The following NUP210 variants were observed in gnomAD, a reference collection of about 807,000 sequenced individuals.
NUP210 encodes the protein nuclear pore membrane glycoprotein 210.
NUP210 carries 151 observed loss-of-function variants against 196.0 expected under a neutral mutation model. That is an observed-to-expected ratio of 0.77 (90% CI 0.67 to 0.88). The LOEUF (loss-of-function observed/expected upper bound fraction) is 0.88. Among genes scored for constraint, NUP210 ranks in the 40% least tolerant of loss-of-function variants. The probability of loss-of-function intolerance (pLI) is 0.00; values close to 1 mark genes in which losing one functional copy is unlikely to be tolerated. For missense variants in NUP210, 2,314 were observed against 2,493.7 expected (o/e 0.93, Z 1.53); for synonymous variants, 1,070 against 1,052.7 (o/e 1.02, Z -0.32).
intron 29 of NUP210, among the ~76,000 whole-genome samples, chr3:13,331,426 C>A (rs1175107865): frequency 6.6e-6 from 1 of 152,150 alleles, no homozygotes; most frequent in East Asian, 1.9e-4. Flanking sequence ...ATTCTTCCCC[C>A]ACCAACCCCT....
intron 32 of NUP210, among the ~76,000 whole-genome samples, chr3:13,326,854 G>A (rs1271711451): frequency 6.6e-6 from 1 of 152,266 alleles, no homozygotes; most frequent in Non-Finnish European, 1.5e-5. Context: ...CACCGACTTG[G>A]CAGAGCTGTT....
Position 13,343,240 on chromosome 3 carries a change from C to T in NUP210, c.2899G>A (p.Ala967Thr). ...ACGTAAACGACAGCCTTGGCTGGGGCCGGGAAGACGAGGCACAAGTCATGG... is the reference window on the plus strand; with the variant it reads ...ACGTAAACGACAGCCTTGGCTGGGGTCGGGAAGACGAGGCACAAGTCATGG... ...MIHDLCLVFP[A>T]PAKAVVYVSD... The change falls in exon 21 of 40, where the codon GCC becomes ACC. Residue 967 changes from alanine (A) to threonine (T), a missense_variant. Coordinates refer to ENST00000254508, the MANE Select transcript of NUP210 (RefSeq NM_024923.4). The T allele has an allele frequency of 6.2e-7, 1 of 1,612,130 alleles. No homozygotes were observed. The highest frequency in any genetic ancestry group is 8.5e-7 in the Non-Finnish European group (1 of 1,178,946).
rs766568855 is a variant in NUP210 at position 13,373,839 on chromosome 3, G to A, written c.1466C>T (p.Ser489Leu). 1.4e-5 allele frequency: 23 copies of A among 1,613,726 alleles called. No individual in the cohort carries two copies. The highest frequency in any genetic ancestry group is 1.6e-4 in the Middle Eastern group (1 of 6,082). ...HGGSGNFSWS[S>L]SSHLVATVTV... ...AACTGTGGCAACCAGGTGGCTTGAC[G>A]AAGACCAGCTGAAGTTCCCACTGCC... Residue 489 changes from serine to leucine, a missense_variant, in exon 12 of 40, where the codon TCG becomes TTG. By Grantham distance (145) the Ser-to-Leu change is moderately radical. Transcript: ENST00000254508.
At chr3:13,354,496 G>A (rs573864962) in intron 16 of NUP210, 8 of 183,480 alleles carry the variant, frequency 4.4e-5, no homozygotes, top group African/African-American at 1.2e-4. Context: ...GGTCCCAAAC[G>A]TCAACAGTGC....
At position 13,386,357 on chromosome 3, in the gene NUP210, C is replaced by A. The variant is rs1699274493; in HGVS notation, c.735G>T (p.Leu245=). The A allele has an allele frequency of 6.2e-7, 1 of 1,614,132 alleles. No individual in the cohort carries two copies. The highest frequency in any genetic ancestry group is 8.5e-7 in the Non-Finnish European group (1 of 1,180,034). Residue 245 remains leucine, a synonymous_variant, in exon 6 of 40, where the codon CTG becomes CTT. Coordinates refer to ENST00000254508, the MANE Select transcript of NUP210 (RefSeq NM_024923.4). ...TCAGGTAGACGTCATAGGCCGGGTT[C>A]AGAAGGATGTTTTCCAAAATCAGCA... ...VRLLILENIL[L]NPAYDVYLMV... is the part of the protein sequence containing the mutation.
Position 13,328,960 on chromosome 3 carries a change from T to C in NUP210, c.4111-14A>G. ...AACAGGGGATACCTAAGGGACAACA[T>C]ACAGGTATGATGAGGATTCAGTGCC... is the stretch of plus-strand genomic sequence containing the variant. On this transcript the variant is annotated splice_polypyrimidine_tract_variant and intron_variant, in intron 30 of 39. Transcript: ENST00000254508. 6.2e-7 allele frequency: 1 copy of C among 1,611,950 alleles called. No individual in the cohort carries two copies. Among genetic ancestry groups the C allele is most frequent in the Non-Finnish European group, 8.5e-7 (1 of 1,178,790 alleles).
chr3:13,358,026 C>T (rs934072437), intron 16 of NUP210, among the ~76,000 whole-genome samples, 196 bp downstream of exon 16: 1 of 152,230 alleles, frequency 6.6e-6, no homozygotes. Flanking sequence ...TGTCTCTCAC[C>T]TCTCCAAGCT....
rs114966764 is a variant in NUP210 at position 13,363,567 on chromosome 3, T to C, written c.1932+2379A>G. Among the ~76,000 whole-genome samples the C allele has an allele frequency of 1.7e-3, 254 of 152,370 alleles. 1 individual carries two copies. The highest frequency in any genetic ancestry group is 5.8e-3 in the African/African-American group (240 of 41,586). ...CAACGCAGCTGATGAAGGATGCTCA[T>C]GAATTGTGCAGGCTCCTCAGCGGAT... On this transcript the variant is annotated intron_variant, in intron 14 of 39. Transcript: ENST00000254508.
At position 13,402,627 on chromosome 3, in the gene NUP210, G is replaced by A. The variant is rs546469311; in HGVS notation, c.168-2766C>T. Among the ~76,000 whole-genome samples, 342 of 152,114 alleles carry A rather than the reference G, an allele frequency of 2.2e-3. 1 individual carries two copies. The highest frequency in any genetic ancestry group is 6.8e-3 in the Middle Eastern group (2 of 294). On this transcript the variant is annotated intron_variant, in intron 1 of 39. Transcript: ENST00000254508. ...CACACCTTTCATGTCCATGTAGCAG[G>A]GCTACATTAAGGACTCATACAAGCC... is the stretch of plus-strand genomic sequence containing the variant.
In NUP210 at chr3:13,347,529, C is replaced by T. The variant is rs983666633; in HGVS notation, c.2836-4226G>A. Among the ~76,000 whole-genome samples, 1 of 152,158 alleles carries T rather than the reference C, an allele frequency of 6.6e-6. No individual in the cohort carries two copies. Among genetic ancestry groups the T allele is most frequent in the African/African-American group, 2.4e-5 (1 of 41,432 alleles). The stretch of plus-strand genomic sequence containing the variant: ...CATCACGGCCCTGCACAGTCCATGT[C>T]CACTGTGTGGGGATAAAAACCCCCA... On this transcript the variant is annotated intron_variant, in intron 20 of 39. Transcript: ENST00000254508. This position sits in a 1 kb window ranked among gnomAD's most constrained non-coding sequence, Gnocchi z 4.7.
intron 4 of NUP210, among the ~76,000 whole-genome samples, chr3:13,389,099 C>T (rs1386505625): frequency 1.3e-5 from 2 of 152,248 alleles, no homozygotes; most frequent in African/African-American, 2.4e-5. Context: ...AACGAGCCCA[C>T]TGTTCCCCTG....
At chr3:13,333,148 C>A (rs28664220) in intron 28 of NUP210, among the ~76,000 whole-genome samples, 26,903 of 152,234 alleles carry the variant, frequency 0.18, 2,452 homozygotes, top group East Asian at 0.3. Flanking sequence ...GAGGTCGGCT[C>A]AGATCTGATC....
At position 13,378,916 on chromosome 3, in the gene NUP210, G is replaced by A; in HGVS notation, c.1041C>T (p.Tyr347=). The change falls in exon 8 of 40, where the codon TAC becomes TAT. Residue 347 remains tyrosine, a synonymous_variant. Transcript: ENST00000254508. ...GCCCAGGAGGCCCACACTCACCTAG[G>A]TATCCAGGTTCGACCACGTAGATAG... ...NSTIYVVEPG[Y]LGFTVHPGDR... is the part of the protein sequence containing the mutation. The A allele has an allele frequency of 6.2e-7, 1 of 1,612,120 alleles. No homozygotes were observed. The highest frequency in any genetic ancestry group is 2.2e-5 in the East Asian group (1 of 44,872).
intron 14 of NUP210, among the ~76,000 whole-genome samples, chr3:13,364,743 G>C (rs550103162): frequency 6.6e-6 from 1 of 152,132 alleles, no homozygotes; most frequent in Non-Finnish European, 1.5e-5. Context: ...CAGGAGAATC[G>C]CTTAACCCTG....
At chr3:13,352,834 T>C (rs1437140916) in intron 18 of NUP210, among the ~76,000 whole-genome samples, 12 of 149,592 alleles carry the variant, frequency 8.0e-5, no homozygotes, top group Non-Finnish European at 3.0e-5. Flanking sequence ...GCATTGTGGG[T>C]GACAAGGACA....
Position 13,365,937 on chromosome 3 carries a change from C to T in NUP210, c.1932+9G>A, listed in dbSNP as rs1576387314. 1.2e-6 allele frequency: 2 copies of T among 1,614,002 alleles called. No individual in the cohort carries two copies. The highest frequency in any genetic ancestry group is 4.5e-5 in the East Asian group (2 of 44,874). On this transcript the variant is annotated intron_variant, in intron 14 of 39. Transcript: ENST00000254508. ...AGGGGGGTGGTAAAGGGCAGGGCCC[C>T]TGGCTCACCTTGAGGGGCAGGTAGG...
In NUP210 at chr3:13,373,860, C is replaced by T; in HGVS notation, c.1445G>A (p.Ser482Asn). The change falls in exon 12 of 40, where the codon AGT (serine) becomes AAT (asparagine). Residue 482 changes from serine to asparagine, a missense_variant. By Grantham distance (46) the Ser-to-Asn change is conservative (BLOSUM62 1). Coordinates refer to ENST00000254508, the MANE Select transcript of NUP210 (RefSeq NM_024923.4). ...YQYTIRAHGG[S>N]GNFSWSSSSH... Reference sequence around the variant, plus strand: ...TGACGAAGACCAGCTGAAGTTCCCACTGCCACCGTGGGCCTGCGGAGGAAA... The same window carrying T: ...TGACGAAGACCAGCTGAAGTTCCCATTGCCACCGTGGGCCTGCGGAGGAAA... The T allele has an allele frequency of 6.2e-7, 1 of 1,613,596 alleles. No individual in the cohort carries two copies. The highest frequency in any genetic ancestry group is 8.5e-7 in the Non-Finnish European group (1 of 1,179,764).
At chr3:13,332,551 A>C (rs1475982109) in intron 28 of NUP210, among the ~76,000 whole-genome samples, 167 bp from the exon 29 acceptor site, 1 of 152,200 alleles carries the variant, frequency 6.6e-6, no homozygotes, top group African/African-American at 2.4e-5. Context: ...CTGACCTTTA[A>C]GAGGCCAAAG....
chr3:13,404,810 G>A (rs1286187316), intron 1 of NUP210, among the ~76,000 whole-genome samples: 1 of 152,200 alleles, frequency 6.6e-6, no homozygotes, highest in Non-Finnish European at 1.5e-5. Flanking sequence ...GAATGAAAGA[G>A]CTGGCCAGTC....
Sources: allele counts gnomAD v4.1 joint callset (sites outside exome capture counted in the v4.1 genomes callset), GRCh38; gene constraint gnomAD v4.1.1; non-coding constraint Gnocchi (gnomAD v3.1); transcripts MANE v1.5; gene names NCBI Gene and HGNC (gene_info 2026-07-23, HGNC 2026-07-21).